BAG2: variants seen among roughly 807,000 people sequenced by gnomAD.
BAG2 encodes BAG cochaperone 2.
BAG2 carries 8 observed loss-of-function variants against 16.4 expected under a neutral mutation model. The ratio of observed to expected loss-of-function variants is 0.49; its 90% CI spans 0.29 to 0.88. The LOEUF (loss-of-function observed/expected upper bound fraction) is 0.88, where lower values mean the gene tolerates loss of function less well. Among genes scored for constraint, BAG2 ranks in the 40% least tolerant of loss-of-function variants. BAG2 has a pLI of 0.09. For synonymous variants in BAG2, 82 were observed against 89.2 expected, an observed-to-expected ratio of 0.92 and a Z score of 0.46; for missense variants, 218 against 248.9, an observed-to-expected ratio of 0.88 and a Z score of 0.84.
At chr6:57,178,587 A>G (rs1021673091) in intron 1 of BAG2, among the ~76,000 whole-genome samples, 1 of 152,230 alleles carries the variant, frequency 6.6e-6, no homozygotes, top group Admixed American at 6.5e-5. Context: ...TGAAGAGGGA[A>G]TAGGACATGA....
At chr6:57,181,581 A>G (rs1469934604) in intron 1 of BAG2, among the ~76,000 whole-genome samples, 1 of 152,034 alleles carries the variant, frequency 6.6e-6, no homozygotes, top group South Asian at 2.1e-4. Context: ...AACTACAGAA[A>G]TTAGCCGGGC....
At position 57,181,953 on chromosome 6, in the gene BAG2, G is replaced by T. The variant is rs1162638046; in HGVS notation, c.114-79G>T. The T allele has an allele frequency of 3.3e-6, 4 of 1,217,794 alleles. No homozygotes were observed. The East Asian group carries it at 9.5e-5, about 29-fold the overall frequency. 75.4% of individuals were successfully genotyped at this position (1,217,794 alleles called of 1,614,324 possible). A position where few individuals can be genotyped will look rare whatever the true frequency, so the allele number is the denominator to read the frequency against. On this transcript the variant is annotated intron_variant, in intron 1 of 2. Coordinates refer to ENST00000370693, the MANE Select transcript of BAG2 (RefSeq NM_004282.4). ...TTTGGTGATCTTTAAACTTGATTTG[G>T]GTTGAATGAGAGATAAAGAAAATTA...
intron 1 of BAG2, 84 bp downstream of exon 1, chr6:57,172,894 G>A: frequency 8.3e-7 from 1 of 1,200,370 alleles, no homozygotes. Flanking sequence ...GCCGCGTGTG[G>A]CGGGCCGGGG....
chr6:57,173,269 G>A, intron 1 of BAG2: 3 of 985,850 alleles, frequency 3.0e-6, no homozygotes, highest in Non-Finnish European at 2.4e-6. Flanking sequence ...CCCTCCACGT[G>A]AAGTTAAGTT....
In BAG2 at chr6:57,188,087, T is replaced by C. The variant is rs966046993; in HGVS notation, c.*3897T>C. 6.6e-6 allele frequency: 1 copy of C among 152,164 alleles called. No individual in the cohort carries two copies. The highest frequency in any genetic ancestry group is 1.5e-5 in the Non-Finnish European group (1 of 68,012). The allele number at this position is 152,164 out of a possible 1,614,324, so 9.4% of individuals were successfully genotyped here. ...TAGCCGTAATGTTAAAAAAGTAGAT[T>C]AGAGCACAAATGCACAATCACCTGG... On this transcript the variant is annotated 3_prime_UTR_variant, in exon 3 of 3. Transcript: ENST00000370693.
Position 57,172,769 on chromosome 6 carries a change from C to G in BAG2, c.72C>G (p.Arg24=). 1 of 1,576,046 alleles carries G rather than the reference C, an allele frequency of 6.3e-7. No homozygotes were observed. Among genetic ancestry groups the G allele is most frequent in the Non-Finnish European group, 8.6e-7 (1 of 1,164,180 alleles). Residue 24 remains arginine (R), a synonymous_variant, in exon 1 of 3, where the codon CGC becomes CGG. Coordinates refer to ENST00000370693, the MANE Select transcript of BAG2 (RefSeq NM_004282.4). ...GCCGCTCCTCCTCCATGGCTGACCGCTCCAGCCGCCTGCTGGAGAGCCTGG... is the reference window on the plus strand; with the variant it reads ...GCCGCTCCTCCTCCATGGCTGACCGGTCCAGCCGCCTGCTGGAGAGCCTGG... ...RFCRSSSMAD[R]SSRLLESLDQ...
At chr6:57,173,553 G>T in intron 1 of BAG2, 1 of 933,756 alleles carries the variant, frequency 1.1e-6, no homozygotes, top group Non-Finnish European at 1.3e-6. Context: ...TCTTGCTTAA[G>T]AATTTATTTG....
At chr6:57,177,080 G>A (rs1241926664) in intron 1 of BAG2, among the ~76,000 whole-genome samples, 1 of 152,136 alleles carries the variant, frequency 6.6e-6, no homozygotes, top group Non-Finnish European at 1.5e-5. Context: ...GCATTCTTTT[G>A]ATATAGGAGT....
chr6:57,182,012 T>C lies in BAG2; in HGVS notation c.114-20T>C. 1 of 1,607,340 alleles carries C rather than the reference T, an allele frequency of 6.2e-7. No homozygotes were observed. The highest frequency in any genetic ancestry group is 8.5e-7 in the Non-Finnish European group (1 of 1,174,924). The stretch of plus-strand genomic sequence containing the variant: ...AACATCCTGCATACAATAACCGTTT[T>C]GTTTTCCCAATTTCTATAGGGTTGA... On this transcript the variant is annotated intron_variant, in intron 1 of 2. Transcript: ENST00000370693.
At position 57,182,077 on chromosome 6, in the gene BAG2, A is replaced by G; in HGVS notation, c.159A>G (p.Lys53=). 6.2e-7 allele frequency: 1 copy of G among 1,614,192 alleles called. No homozygotes were observed. The highest frequency in any genetic ancestry group is 8.5e-7 in the Non-Finnish European group (1 of 1,180,026). The stretch of plus-strand genomic sequence containing the variant: ...CAGCAACTGCTGTTGAGCAAGAGAA[A>G]GAAATCCTTCTGGAAATGATCCACA... ...REAATAVEQE[K]EILLEMIHSI... The change falls in exon 2 of 3, where the codon AAA becomes AAG. Residue 53 remains lysine (K), a synonymous_variant. Coordinates refer to ENST00000370693, the MANE Select transcript of BAG2 (RefSeq NM_004282.4).
In BAG2 at chr6:57,172,409, G is replaced by T. The variant is rs1258775774; in HGVS notation, c.-289G>T. 1 of 227,054 alleles carries T rather than the reference G, an allele frequency of 4.4e-6. No individual in the cohort carries two copies. Among genetic ancestry groups the T allele is most frequent in the African/African-American group, 2.3e-5 (1 of 43,856 alleles). The allele number at this position is 227,054 out of a possible 1,614,324, so 14.1% of individuals were successfully genotyped here. ...AGAGACTTGCGCTCCCCAGGCCCGA[G>T]CCCCTGTCGGCCCATCCTCGAGCCC... On this transcript the variant is annotated 5_prime_UTR_variant, in exon 1 of 3. Transcript: ENST00000370693.
Position 57,182,082 on chromosome 6 carries a change from T to C in BAG2, c.164T>C (p.Ile55Thr), listed in dbSNP as rs149704905. 45 of 1,613,980 alleles carry C rather than the reference T, an allele frequency of 2.8e-5. No homozygotes were observed. Among genetic ancestry groups the C allele is most frequent in the Non-Finnish European group, 3.7e-5 (44 of 1,180,026 alleles). Residue 55 changes from isoleucine to threonine, a missense_variant, in exon 2 of 3, where the codon ATC becomes ACC. This residue lies in a region of BAG2 where 30 missense variants were observed against 57.8 expected (regional missense o/e 0.52). Coordinates refer to ENST00000370693, the MANE Select transcript of BAG2 (RefSeq NM_004282.4). ...ACTGCTGTTGAGCAAGAGAAAGAAA[T>C]CCTTCTGGAAATGATCCACAGTATC... ...AATAVEQEKE[I>T]LLEMIHSIQN...
intron 1 of BAG2, chr6:57,173,038 C>A: frequency 1.4e-6 from 1 of 732,644 alleles, no homozygotes; most frequent in Non-Finnish European, 1.9e-6. Flanking sequence ...TTAAGCTAAA[C>A]CTGTGAGGGC....
Position 57,183,335 on chromosome 6 carries a change from G to C in BAG2, c.224-443G>C, listed in dbSNP as rs529301384. 3.1e-3 allele frequency among the ~76,000 whole-genome samples: 467 copies of C among 152,334 alleles called. 2 individuals are homozygous for C. Among genetic ancestry groups the C allele is most frequent in the Non-Finnish European group, 5.4e-3 (370 of 68,022 alleles). On this transcript the variant is annotated intron_variant, in intron 2 of 2. Transcript: ENST00000370693. ...TGCCTAGTATTGACGACAGAAGACA[G>C]CTTATCTTCTATCGTGGCTACATTT...
intron 1 of BAG2, among the ~76,000 whole-genome samples, chr6:57,178,996 T>C (rs1236724255): frequency 1.3e-5 from 2 of 152,250 alleles, no homozygotes; most frequent in African/African-American, 2.4e-5. Flanking sequence ...TCTCTTATCA[T>C]CTTACAATTG....
At chr6:57,181,988 A>G (rs1424398513) in intron 1 of BAG2, 44 bp from the exon 2 acceptor site, 1 of 1,518,278 alleles carries the variant, frequency 6.6e-7, no homozygotes, top group Non-Finnish European at 9.1e-7. Flanking sequence ...AATAGGAAGA[A>G]CATCCTGCAT....
chr6:57,174,530 A>G, intron 1 of BAG2: 1 of 696,918 alleles, frequency 1.4e-6, no homozygotes, highest in Non-Finnish European at 2.1e-6. Context: ...AACTTGCTTA[A>G]TTAACATTTG....
intron 1 of BAG2, among the ~76,000 whole-genome samples, chr6:57,176,277 G>C (rs1764283057): frequency 1.3e-5 from 2 of 152,172 alleles, no homozygotes; most frequent in Non-Finnish European, 2.9e-5. Flanking sequence ...CACAACTAGA[G>C]AGTAGTAAAC....
At chr6:57,177,838 C>T (rs551321307) in intron 1 of BAG2, among the ~76,000 whole-genome samples, 42 of 152,290 alleles carry the variant, frequency 2.8e-4, no homozygotes, top group African/African-American at 8.7e-4. Flanking sequence ...TGTTGTACTC[C>T]TCCTAAGTCT....
Sources: allele counts gnomAD v4.1 joint callset (sites outside exome capture counted in the v4.1 genomes callset), GRCh38; gene constraint gnomAD v4.1.1; regional missense constraint gnomAD v4.1.1; transcripts MANE v1.5; gene names NCBI Gene and HGNC (gene_info 2026-07-23, HGNC 2026-07-21).